Variants in PPP2R2A observed in about 807,000 individuals in gnomAD.
PPP2R2A encodes the protein serine/threonine-protein phosphatase 2A 55 kDa regulatory subunit B alpha isoform.
In PPP2R2A, 9 loss-of-function variants were observed where a neutral mutation model predicts 53.2. The observed-to-expected ratio is 0.17, with a 90% CI of 0.10 to 0.30. The LOEUF is 0.30. Among genes scored for constraint, PPP2R2A ranks in the 10% least tolerant of loss-of-function variants. The pLI is 1.00. For synonymous variants in PPP2R2A, 169 were observed against 174.2 expected (o/e 0.97, Z 0.23); for missense variants, 235 against 534.6 (o/e 0.44, Z 5.53).
intron 7 of PPP2R2A, 190 bp from the exon 8 acceptor site, chr8:26,363,531 A>G (rs1305591513): frequency 3.4e-5 from 17 of 503,290 alleles, no homozygotes; most frequent in Non-Finnish European, 4.8e-5. Context: ...TGCATCTTCA[A>G]CTTCAATATT....
chr8:26,292,466 T>C (rs939944928), intron 1 of PPP2R2A: 8 of 981,888 alleles, frequency 8.1e-6, no homozygotes, highest in Non-Finnish European at 9.7e-6. Flanking sequence ...ATGAAAATAA[T>C]TTAAACTTTG....
Position 26,358,274 on chromosome 8 carries a change from C to T in PPP2R2A, c.347-1895C>T, listed in dbSNP as rs190945542. 2.1e-3 allele frequency among the ~76,000 whole-genome samples: 324 copies of T among 152,176 alleles called. 4 individuals carry two copies. The highest frequency in any genetic ancestry group is 7.2e-3 in the African/African-American group (297 of 41,524). On this transcript the variant is annotated intron_variant, in intron 4 of 9. Coordinates refer to ENST00000380737, the MANE Select transcript of PPP2R2A (RefSeq NM_002717.4). ...AATAAGGAGGATGGATTTAAACAGG[C>T]CACAAGACAACTGGACCAGGGGGCG...
chr8:26,341,670 C>T (rs1005201765), intron 3 of PPP2R2A, among the ~76,000 whole-genome samples: 1 of 152,178 alleles, frequency 6.6e-6, no homozygotes, highest in African/African-American at 2.4e-5. Flanking sequence ...TTCTTAGACT[C>T]TGATGAGGGT....
At chr8:26,355,845 G>A (rs907921388) in intron 4 of PPP2R2A, among the ~76,000 whole-genome samples, 2 of 147,328 alleles carry the variant, frequency 1.4e-5, no homozygotes, top group African/African-American at 5.1e-5. Context: ...ACTCCAGCCT[G>A]GGCAACAGAG....
At chr8:26,320,171 G>A (rs1241482419) in intron 2 of PPP2R2A, among the ~76,000 whole-genome samples, 1 of 152,142 alleles carries the variant, frequency 6.6e-6, no homozygotes, top group African/African-American at 2.4e-5. Context: ...ACCTGTGTTG[G>A]TTATATCCTG....
At chr8:26,300,625 G>C (rs1449327140) in intron 2 of PPP2R2A, among the ~76,000 whole-genome samples, 4 of 152,180 alleles carry the variant, frequency 2.6e-5, no homozygotes, top group Non-Finnish European at 4.4e-5. Flanking sequence ...GGAGACGGAG[G>C]CAGGCAGATC....
chr8:26,304,201 T>C (rs1228359413), intron 2 of PPP2R2A, among the ~76,000 whole-genome samples: 1 of 111,426 alleles, frequency 9.0e-6, no homozygotes, highest in African/African-American at 3.2e-5. Context: ...GGTCCTCTTA[T>C]TACTTTTTCC....
At chr8:26,292,608 G>C (rs143058923) in intron 1 of PPP2R2A, among the ~76,000 whole-genome samples, 177 of 152,348 alleles carry the variant, frequency 1.2e-3, no homozygotes, top group African/African-American at 4.1e-3. Context: ...CTTTGAAGGG[G>C]AGGGGAAAGG....
chr8:26,368,849 G>T (rs563672372), intron 9 of PPP2R2A, among the ~76,000 whole-genome samples: 49 of 152,276 alleles, frequency 3.2e-4, no homozygotes, highest in African/African-American at 1.2e-3. Flanking sequence ...GCTCACGCCT[G>T]TAATCCCAGC....
At chr8:26,341,836 A>G (rs1022781659) in intron 3 of PPP2R2A, among the ~76,000 whole-genome samples, 2 of 152,220 alleles carry the variant, frequency 1.3e-5, no homozygotes, top group Admixed American at 1.3e-4. Context: ...AGAAGAGATC[A>G]TATAACAGCA....
intron 2 of PPP2R2A, among the ~76,000 whole-genome samples, chr8:26,317,294 T>C (rs1460868795): frequency 1.3e-5 from 2 of 152,226 alleles, no homozygotes; most frequent in Admixed American, 6.5e-5. Context: ...AAAAGAGATG[T>C]ACATTTAATG....
intron 2 of PPP2R2A, among the ~76,000 whole-genome samples, chr8:26,322,865 G>T (rs1442513799): frequency 1.3e-5 from 2 of 152,222 alleles, no homozygotes; most frequent in Admixed American, 1.3e-4. Flanking sequence ...GGAAGCAGCA[G>T]TTTTTAAAGA....
intron 2 of PPP2R2A, among the ~76,000 whole-genome samples, chr8:26,300,666 C>A (rs575128716): frequency 3.2e-4 from 49 of 152,130 alleles, no homozygotes; most frequent in African/African-American, 1.2e-3. Flanking sequence ...CCAGCCTGGC[C>A]AATATGGTGA....
chr8:26,323,221 C>T (rs183707539), intron 2 of PPP2R2A, among the ~76,000 whole-genome samples: 3 of 152,256 alleles, frequency 2.0e-5, no homozygotes, highest in Non-Finnish European at 4.4e-5. Flanking sequence ...TCTCCTTTTC[C>T]CTAATCTGCT....
chr8:26,292,018 CTG>C (rs1801319049), intron 1 of PPP2R2A, 192 bp downstream of exon 1: 5 of 923,518 alleles, frequency 5.4e-6, no homozygotes, highest in Non-Finnish European at 6.7e-6. Context: ...GTGAGAGTCA[CTG>C]GGCTTGGAGA....
rs1319898079 is a variant in PPP2R2A at position 26,303,930 on chromosome 8, C to T, written c.82+10190C>T. ...GTTACGCTCTTGTAGCTTTTAGTTT[C>T]TATTGGTTAAATCCTCTCTGTATGT... On this transcript the variant is annotated intron_variant, in intron 2 of 9. Transcript: ENST00000380737. Among the ~76,000 whole-genome samples, 3 of 152,240 alleles carry T rather than the reference C, an allele frequency of 2.0e-5. No individual in the cohort carries two copies. In the East Asian group the frequency reaches 5.8e-4, roughly 29 times the overall value.
Position 26,370,177 on chromosome 8 carries a change from G to C in PPP2R2A, c.1108G>C (p.Asp370His). The change falls in exon 10 of 10, where the codon GAC (aspartate) becomes CAC (histidine). Residue 370 changes from aspartate to histidine, a missense_variant. Physicochemically the swap from Asp to His is moderately conservative, Grantham distance 81 (BLOSUM62 -1). Around this residue, in one of 3 missense-constraint regions of PPP2R2A, gnomAD observed 181 missense variants for 409.9 expected, o/e 0.44. Transcript: ENST00000380737. The surrounding 1 kb of genome is among the most constrained non-coding windows in gnomAD (Gnocchi z 6.1). ...TTACAATAATTTCTTCAGAATGTTT[G>C]ACAGAAACACAAAGCGAGACATAAC... Reference protein sequence around the residue: ...GSYNNFFRMFDRNTKRDITLE... With the variant: ...GSYNNFFRMFHRNTKRDITLE... The C allele has an allele frequency of 1.2e-6, 2 of 1,614,064 alleles. No homozygotes were observed. Among genetic ancestry groups the C allele is most frequent in the South Asian group, 1.1e-5 (1 of 91,052 alleles).
At position 26,346,670 on chromosome 8, in the gene PPP2R2A, A is replaced by G. The variant is rs770052451; in HGVS notation, c.180+7683A>G. Among the ~76,000 whole-genome samples the G allele has an allele frequency of 6.6e-4, 100 of 152,318 alleles. 1 individual carries two copies. The highest frequency in any genetic ancestry group is 3.4e-3 in the Middle Eastern group (1 of 294). On this transcript the variant is annotated intron_variant, in intron 3 of 9. Coordinates refer to ENST00000380737, the MANE Select transcript of PPP2R2A (RefSeq NM_002717.4). ...TGGGTTCTTTCTCAAATATCTCTCT[A>G]TAGCCTTTCAGAGTAAATACTTGAT...
In PPP2R2A at chr8:26,360,083, G is replaced by T; in HGVS notation, c.347-86G>T. On this transcript the variant is annotated intron_variant, in intron 4 of 9. Coordinates refer to ENST00000380737, the MANE Select transcript of PPP2R2A (RefSeq NM_002717.4). The surrounding 1 kb of genome is among the most constrained non-coding windows in gnomAD (Gnocchi z 4.5). Reference sequence around the variant, plus strand: ...TTTTTTTTTCGTGGAATCCTTTTACGTGAAATGTGAAATAGCATATTTTAA... The same window carrying T: ...TTTTTTTTTCGTGGAATCCTTTTACTTGAAATGTGAAATAGCATATTTTAA... 4.9e-6 allele frequency: 3 copies of T among 606,862 alleles called. No homozygotes were observed. Among genetic ancestry groups the T allele is most frequent in the Admixed American group, 6.1e-5 (2 of 32,558 alleles). The allele number at this position is 606,862 out of a possible 1,614,324, so 37.6% of individuals were successfully genotyped here.
Sources: allele counts gnomAD v4.1 joint callset (sites outside exome capture counted in the v4.1 genomes callset), GRCh38; gene constraint gnomAD v4.1.1; regional missense constraint gnomAD v4.1.1; non-coding constraint Gnocchi (gnomAD v3.1); transcripts MANE v1.5; gene names NCBI Gene and HGNC (gene_info 2026-07-23, HGNC 2026-07-21).